The following SESTD1 variants were observed in gnomAD, a reference collection of about 807,000 sequenced individuals.
SESTD1 encodes SEC14 domain and spectrin repeat-containing protein 1.
In SESTD1, 43 loss-of-function variants were observed where a neutral mutation model predicts 101.7. The observed-to-expected ratio is 0.42, with a 90% CI of 0.33 to 0.55. SESTD1 has a LOEUF of 0.55. Among genes scored for constraint, SESTD1 ranks in the 20% least tolerant of loss-of-function variants. The probability of loss-of-function intolerance (pLI) is 0.07; values close to 1 mark genes in which losing one functional copy is unlikely to be tolerated. For synonymous variants in SESTD1, 283 were observed against 286.8 expected, an observed-to-expected ratio of 0.99 and a Z score of 0.13; for missense variants, 647 against 815.1, an observed-to-expected ratio of 0.79 and a Z score of 2.51.
intron 1 of SESTD1, among the ~76,000 whole-genome samples, chr2:179,217,138 C>G (rs1553527755): frequency 7.0e-6 from 1 of 143,030 alleles, no homozygotes; most frequent in Non-Finnish European, 1.5e-5. Flanking sequence ...CAAATGGGAT[C>G]TAATTAAACT....
intron 5 of SESTD1, among the ~76,000 whole-genome samples, chr2:179,158,989 G>A (rs1008620216): frequency 6.6e-6 from 1 of 152,158 alleles, no homozygotes; most frequent in Non-Finnish European, 1.5e-5. Flanking sequence ...TTTTGTTTAA[G>A]AGGGTGAAGG....
intron 1 of SESTD1, among the ~76,000 whole-genome samples, chr2:179,221,081 G>A (rs556421916): frequency 6.6e-6 from 1 of 152,038 alleles, no homozygotes; most frequent in Non-Finnish European, 1.5e-5. Context: ...CCTGTATCAT[G>A]AATTGAGATT....
chr2:179,162,439 A>G (rs1236877681), intron 5 of SESTD1: 1 of 152,178 alleles, frequency 6.6e-6, no homozygotes, highest in African/African-American at 2.4e-5. Context: ...TTCAAGAAAC[A>G]GCTTATATTA....
chr2:179,138,032 C>A (rs867416480), intron 9 of SESTD1, among the ~76,000 whole-genome samples: 1 of 151,980 alleles, frequency 6.6e-6, no homozygotes, highest in Non-Finnish European at 1.5e-5. Flanking sequence ...TAAAATGTGA[C>A]CTGTGAAAAA....
At chr2:179,112,311 T>C (rs1436865186) in intron 17 of SESTD1, among the ~76,000 whole-genome samples, 1 of 152,158 alleles carries the variant, frequency 6.6e-6, no homozygotes, top group East Asian at 1.9e-4. Context: ...ATCATACTGG[T>C]TTGGTCCTCT....
chr2:179,101,845 C>T lies in SESTD1; in HGVS notation c.*8054G>A, dbSNP rs2044281765. 1 of 152,112 alleles carries T rather than the reference C, an allele frequency of 6.6e-6. No homozygotes were observed. Among genetic ancestry groups the T allele is most frequent in the Admixed American group, 6.6e-5 (1 of 15,254 alleles). 9.4% of individuals were successfully genotyped at this position (152,112 alleles called of 1,614,324 possible). On this transcript the variant is annotated 3_prime_UTR_variant, in exon 18 of 18. Transcript: ENST00000428443. Reference sequence around the variant, plus strand: ...GTAAAGTAAACATGTCCATTAATAACAAATGTACAATGTCTTCTATATATT... The same window carrying T: ...GTAAAGTAAACATGTCCATTAATAATAAATGTACAATGTCTTCTATATATT...
At chr2:179,172,903 C>T (rs538216730) in intron 4 of SESTD1, among the ~76,000 whole-genome samples, 2 of 152,308 alleles carry the variant, frequency 1.3e-5, no homozygotes, top group Admixed American at 1.3e-4. Context: ...GCATTGTTAA[C>T]AACGCCAAAC....
chr2:179,116,500 T>G (rs2044636504), intron 15 of SESTD1, 168 bp downstream of exon 15: 1 of 1,005,274 alleles, frequency 9.9e-7, no homozygotes, highest in Non-Finnish European at 1.5e-6. Flanking sequence ...CCTCTCAAGT[T>G]TATGCAGGCT....
chr2:179,124,238 C>T, intron 11 of SESTD1, 126 bp downstream of exon 11: 1 of 846,430 alleles, frequency 1.2e-6, no homozygotes, highest in Non-Finnish European at 1.8e-6. Flanking sequence ...CTCATTACCC[C>T]CACCAGTAAT....
chr2:179,149,774 C>T (rs377693448), intron 6 of SESTD1, among the ~76,000 whole-genome samples: 1 of 152,204 alleles, frequency 6.6e-6, no homozygotes, highest in Non-Finnish European at 1.5e-5. Context: ...CTATCACCAA[C>T]ACATGTTGGT....
chr2:179,123,667 TTAAAAAAAAAA>T, intron 12 of SESTD1, 37 bp downstream of exon 12: 1 of 898,122 alleles, frequency 1.1e-6, no homozygotes, highest in Non-Finnish European at 1.6e-6. Context: ...GTAATGATAT[TTAAAAAAAAAA>T]AAACCTTATG....
At chr2:179,138,326 C>G (rs1009368890) in intron 9 of SESTD1, among the ~76,000 whole-genome samples, 3 of 152,166 alleles carry the variant, frequency 2.0e-5, no homozygotes, top group Non-Finnish European at 4.4e-5. Context: ...AGTAAAAATG[C>G]TGGATAAATC....
In SESTD1 at chr2:179,213,309, C is replaced by A. The variant is rs1385909227; in HGVS notation, c.-25-21443G>T. On this transcript the variant is annotated intron_variant, in intron 1 of 17. Transcript: ENST00000428443. The stretch of plus-strand genomic sequence containing the variant: ...CAGTATAGAGAAGACCTTAAGTGAC[C>A]TGATGGAGCTGAAAACCATGGCACA... Among the ~76,000 whole-genome samples the A allele has an allele frequency of 2.2e-5, 3 of 134,524 alleles. 1 individual carries two copies. The South Asian group carries it at 8.5e-4, about 38-fold the overall frequency. The allele number at this position is 134,524 out of a possible 152,430, so 88.3% of individuals were successfully genotyped here.
rs540966573 is a variant in SESTD1, at chr2:179,107,619, T to A, written c.*2280A>T. The A allele has an allele frequency of 6.6e-6, 1 of 152,286 alleles. No homozygotes were observed. The highest frequency in any genetic ancestry group is 1.5e-5 in the Non-Finnish European group (1 of 68,006). The allele number at this position is 152,286 out of a possible 1,614,324, so 9.4% of individuals were successfully genotyped here. On this transcript the variant is annotated 3_prime_UTR_variant, in exon 18 of 18. Transcript: ENST00000428443. ...TCTAAGAATCTAAGAATAGATTCAC[T>A]TGTAAGTCAGTTCTAACTTTAAAAA... is the stretch of plus-strand genomic sequence containing the variant.
At chr2:179,245,540 AAAG>A (rs1419456027) in intron 1 of SESTD1, among the ~76,000 whole-genome samples, 1 of 149,484 alleles carries the variant, frequency 6.7e-6, no homozygotes, top group Non-Finnish European at 1.5e-5. Flanking sequence ...AAAAAAAAAA[AAAG>A]TAGCCAGATA....
intron 3 of SESTD1, among the ~76,000 whole-genome samples, chr2:179,182,482 T>C (rs2046131856): frequency 1.3e-5 from 2 of 152,104 alleles, no homozygotes; most frequent in Admixed American, 6.6e-5. Flanking sequence ...GCAGTCACAG[T>C]TGTGCCTCAG....
chr2:179,245,515 CAAAAAAAAAAAAA>C (rs59103658), intron 1 of SESTD1, among the ~76,000 whole-genome samples: 18 of 45,200 alleles, frequency 4.0e-4, no homozygotes, highest in African/African-American at 1.1e-3. Flanking sequence ...GACTCTGTCT[CAAAAAAAAAAAAA>C]AAAAAAAAAA....
At chr2:179,179,046 A>G (rs143624436) in intron 3 of SESTD1, among the ~76,000 whole-genome samples, 106 of 152,298 alleles carry the variant, frequency 7.0e-4, no homozygotes, top group Non-Finnish European at 1.1e-3. Context: ...GGATAATGAA[A>G]ATACACAGAA....
chr2:179,244,483 A>C (rs1241209786), intron 1 of SESTD1, among the ~76,000 whole-genome samples: 1 of 152,068 alleles, frequency 6.6e-6, no homozygotes, highest in East Asian at 1.9e-4. Context: ...AACAAAAAAA[A>C]AAAACATGGA....
Sources: allele counts gnomAD v4.1 joint callset (sites outside exome capture counted in the v4.1 genomes callset), GRCh38; gene constraint gnomAD v4.1.1; transcripts MANE v1.5; gene names NCBI Gene and HGNC (gene_info 2026-07-23, HGNC 2026-07-21).